SNX24: variants seen among roughly 807,000 people sequenced by gnomAD.
The protein encoded by SNX24 is sorting nexin 24, also known as sorting nexin-24.
Under a neutral mutation model 28.7 loss-of-function variants are expected in SNX24, and 22 were observed. The observed-to-expected ratio is 0.77, with a 90% CI of 0.55 to 1.10. The LOEUF is 1.10. Among genes scored for constraint, SNX24 ranks in the 50% least tolerant of loss-of-function variants. The pLI is 0.00. For missense variants in SNX24, 221 were observed against 201.1 expected (o/e 1.10, Z -0.60); for synonymous variants, 69 against 71.5 (o/e 0.96, Z 0.18).
chr5:122,852,347 TC>T (rs1300646377), intron 1 of SNX24, among the ~76,000 whole-genome samples: 1 of 151,554 alleles, frequency 6.6e-6, no homozygotes, highest in African/African-American at 2.4e-5. Context: ...CAGAATAGCT[TC>T]TTTTTTTTTT....
chr5:122,957,212 C>T (rs1760251940), intron 3 of SNX24, among the ~76,000 whole-genome samples: 1 of 152,140 alleles, frequency 6.6e-6, no homozygotes, highest in African/African-American at 2.4e-5. Context: ...AGGTAAGGAT[C>T]CAGTTTCATT....
chr5:122,895,591 G>A lies in SNX24; in HGVS notation c.61-41143G>A, dbSNP rs566662613. On this transcript the variant is annotated intron_variant, in intron 1 of 6. Coordinates refer to ENST00000261369, the MANE Select transcript of SNX24 (RefSeq NM_014035.4). The stretch of plus-strand genomic sequence containing the variant: ...AGAGGCCCCTAGGCTGGGGGCTGGA[G>A]GGTGATGAATTATCATCCCCCGCAG... Among the ~76,000 whole-genome samples the A allele has an allele frequency of 3.3e-5, 5 of 152,254 alleles. No homozygotes were observed. The South Asian group carries it at 1.0e-3, about 32-fold the overall frequency.
intron 1 of SNX24, among the ~76,000 whole-genome samples, chr5:122,896,406 C>CCAACAGACAGGAGAATG (rs1757205423): frequency 6.6e-6 from 1 of 152,200 alleles, no homozygotes; most frequent in African/African-American, 2.4e-5. Flanking sequence ...ATTTATCATG[C>CCAACAGACAGGAGAATG]ACATGTTCAT....
At chr5:122,899,817 G>C (rs1036753530) in intron 1 of SNX24, among the ~76,000 whole-genome samples, 3 of 152,174 alleles carry the variant, frequency 2.0e-5, no homozygotes, top group African/African-American at 7.2e-5. Flanking sequence ...TCCCAAGGCA[G>C]TGTATGCTCT....
chr5:122,884,549 C>A (rs188133484), intron 1 of SNX24, among the ~76,000 whole-genome samples: 2 of 152,146 alleles, frequency 1.3e-5, no homozygotes, highest in East Asian at 3.9e-4. Flanking sequence ...GCACACCCAG[C>A]CTGTTTCTTT....
chr5:122,900,326 G>A (rs1757379949), intron 1 of SNX24, among the ~76,000 whole-genome samples: 1 of 152,194 alleles, frequency 6.6e-6, no homozygotes, highest in African/African-American at 2.4e-5. Context: ...AATTTTGAGA[G>A]TGTGTGTAGC....
intron 1 of SNX24, among the ~76,000 whole-genome samples, chr5:122,862,601 CAA>C (rs1211312668): frequency 2.9e-4 from 16 of 56,016 alleles, no homozygotes; most frequent in African/African-American, 4.7e-4. Context: ...GACTCTGTCT[CAA>C]AAAAAAAAAA....
chr5:122,867,716 T>C (rs1295804230), intron 1 of SNX24, among the ~76,000 whole-genome samples: 1 of 152,248 alleles, frequency 6.6e-6, no homozygotes, highest in Admixed American at 6.5e-5. Flanking sequence ...CTCATGATTA[T>C]TAAAATCCTC....
chr5:122,939,810 A>G (rs1581775009), intron 2 of SNX24, among the ~76,000 whole-genome samples: 1 of 152,294 alleles, frequency 6.6e-6, no homozygotes, highest in East Asian at 1.9e-4. Context: ...GAGAATTTCT[A>G]TAGTATGATT....
chr5:122,933,889 T>C (rs920593413), intron 1 of SNX24, among the ~76,000 whole-genome samples: 13 of 151,930 alleles, frequency 8.6e-5, no homozygotes, highest in Admixed American at 7.2e-4. Context: ...TTCAAGCGAT[T>C]CTCCTGCCTC....
intron 1 of SNX24, among the ~76,000 whole-genome samples, chr5:122,880,718 A>G: frequency 6.6e-6 from 1 of 152,234 alleles, no homozygotes; most frequent in Non-Finnish European, 1.5e-5. Context: ...TCCTAGAGAT[A>G]AAGGGGGCAA....
At position 123,007,876 on chromosome 5, in the gene SNX24, C is replaced by T; in HGVS notation, c.*127C>T. The T allele has an allele frequency of 1.3e-6, 2 of 1,486,426 alleles. No individual in the cohort carries two copies. Among genetic ancestry groups the T allele is most frequent in the Non-Finnish European group, 1.8e-6 (2 of 1,120,596 alleles). The allele number at this position is 1,486,426 out of a possible 1,614,324, so 92.1% of individuals were successfully genotyped here. A position where few individuals can be genotyped will look rare whatever the true frequency, so the allele number is the denominator to read the frequency against. On this transcript the variant is annotated 3_prime_UTR_variant, in exon 7 of 7. Coordinates refer to ENST00000261369, the MANE Select transcript of SNX24 (RefSeq NM_014035.4). ...CTAGCTAGTGGTAAAGTGCACAGTC[C>T]CAGCTTAATTCAGGGCAGGGACATT... is the stretch of plus-strand genomic sequence containing the variant.
chr5:122,892,436 T>A (rs2150071745), intron 1 of SNX24, among the ~76,000 whole-genome samples: 1 of 152,034 alleles, frequency 6.6e-6, no homozygotes, highest in African/African-American at 2.4e-5. Context: ...TAAATTTATT[T>A]ATTTTTTATT....
chr5:122,881,711 C>T (rs1347577759), intron 1 of SNX24, among the ~76,000 whole-genome samples: 1 of 149,766 alleles, frequency 6.7e-6, no homozygotes, highest in Non-Finnish European at 1.5e-5. Flanking sequence ...ATTATATATA[C>T]ATAAAATTAT....
At chr5:122,933,586 A>G (rs745525956) in intron 1 of SNX24, among the ~76,000 whole-genome samples, 1 of 152,076 alleles carries the variant, frequency 6.6e-6, no homozygotes, top group Non-Finnish European at 1.5e-5. Context: ...CCGATGTCCA[A>G]TGTCTTGAGA....
intron 3 of SNX24, among the ~76,000 whole-genome samples, chr5:122,987,906 G>A (rs897109668): frequency 1.3e-5 from 2 of 152,136 alleles, no homozygotes; most frequent in Non-Finnish European, 2.9e-5. Context: ...TAAGGGGCTA[G>A]GAAGTTACAA....
chr5:122,870,568 A>C (rs911692670), intron 1 of SNX24, among the ~76,000 whole-genome samples: 2 of 152,374 alleles, frequency 1.3e-5, no homozygotes, highest in Non-Finnish European at 2.9e-5. Flanking sequence ...AAAAATGCTA[A>C]TAAGAGAGAA....
rs1757929716 is a variant in SNX24 at position 122,912,380 on chromosome 5, T to G, written c.61-24354T>G. Reference sequence around the variant, plus strand: ...TTAAGGAGATTTTGGGCTGAGACAATGGGGTTTTCTAGATATACAATCATG... The same window carrying G: ...TTAAGGAGATTTTGGGCTGAGACAAGGGGGTTTTCTAGATATACAATCATG... On this transcript the variant is annotated intron_variant, in intron 1 of 6. Coordinates refer to ENST00000261369, the MANE Select transcript of SNX24 (RefSeq NM_014035.4). 1.3e-5 allele frequency among the ~76,000 whole-genome samples: 2 copies of G among 151,642 alleles called. 1 individual carries two copies. Among genetic ancestry groups the G allele is most frequent in the African/African-American group, 4.9e-5 (2 of 41,200 alleles).
intron 3 of SNX24, among the ~76,000 whole-genome samples, chr5:122,999,028 T>A (rs746216808): frequency 1.5e-4 from 23 of 152,056 alleles, no homozygotes; most frequent in Non-Finnish European, 2.9e-4. Context: ...CCTTTGATGC[T>A]TTTCTCCTGT....
Sources: allele counts gnomAD v4.1 joint callset (sites outside exome capture counted in the v4.1 genomes callset), GRCh38; gene constraint gnomAD v4.1.1; transcripts MANE v1.5; gene names NCBI Gene and HGNC (gene_info 2026-07-23, HGNC 2026-07-21).